The following TRIM67 variants were observed in gnomAD, a reference collection of about 807,000 sequenced individuals.
The protein encoded by TRIM67 is tripartite motif-containing protein 67.
TRIM67 carries 39 observed loss-of-function variants against 71.0 expected under a neutral mutation model. The ratio of observed to expected loss-of-function variants is 0.55; its 90% CI spans 0.43 to 0.72. The LOEUF (loss-of-function observed/expected upper bound fraction) is 0.72. TRIM67 is among the 30% of genes least tolerant of loss of function. The probability of loss-of-function intolerance (pLI) is 0.00; values close to 1 mark genes in which losing one functional copy is unlikely to be tolerated. For synonymous variants in TRIM67, 481 were observed against 473.9 expected (o/e 1.01, Z -0.19); for missense variants, 973 against 1,079.2 (o/e 0.90, Z 1.38).
At chr1:231,185,013 G>T (rs752305181) in intron 1 of TRIM67, 2 of 1,532,916 alleles carry the variant, frequency 1.3e-6, no homozygotes, top group South Asian at 2.4e-5. Context: ...GTTGGGGAGG[G>T]TCAGCTTATT....
intron 1 of TRIM67, among the ~76,000 whole-genome samples, chr1:231,181,008 C>T (rs576614632): frequency 6.6e-6 from 1 of 152,262 alleles, no homozygotes; most frequent in South Asian, 2.1e-4. Context: ...GCTCTGTCGC[C>T]AGGCTAGAGT....
In TRIM67 at chr1:231,221,232, CCTTT is replaced by C. The variant is rs1377126705; in HGVS notation, c.*5797_*5800del. 1 of 152,402 alleles carries C rather than the reference CCTTT, an allele frequency of 6.6e-6. No homozygotes were observed. The highest frequency in any genetic ancestry group is 1.9e-4 in the East Asian group (1 of 5,194). The allele number at this position is 152,402 out of a possible 1,614,324, so 9.4% of individuals were successfully genotyped here. On this transcript the variant is annotated 3_prime_UTR_variant, in exon 10 of 10. Coordinates refer to ENST00000366653, the MANE Select transcript of TRIM67 (RefSeq NM_001004342.5). ...CGTCGACAGAAGTCCAATTTTCTTG[CCTTT>C]CTTTATCCCCATTTCTCCTCCCTCC... is the stretch of plus-strand genomic sequence containing the variant.
At chr1:231,164,341 G>A (rs1485076243) in intron 1 of TRIM67, among the ~76,000 whole-genome samples, 1 of 152,162 alleles carries the variant, frequency 6.6e-6, no homozygotes, top group African/African-American at 2.4e-5. Context: ...TGACTAATAA[G>A]TTACCTTGAT....
At chr1:231,198,646 A>C (rs1327020616) in intron 2 of TRIM67, among the ~76,000 whole-genome samples, 1 of 152,164 alleles carries the variant, frequency 6.6e-6, no homozygotes, top group Non-Finnish European at 1.5e-5. Context: ...TTGGCCTCCC[A>C]AAGTGCTGGG....
intron 1 of TRIM67, among the ~76,000 whole-genome samples, chr1:231,171,528 T>G: frequency 6.6e-6 from 1 of 152,116 alleles, no homozygotes; most frequent in African/African-American, 2.4e-5. Flanking sequence ...CAGGTAGTGG[T>G]GGAGGTTATG....
intron 9 of TRIM67, among the ~76,000 whole-genome samples, chr1:231,214,718 C>T (rs1447585317): frequency 6.7e-6 from 1 of 149,530 alleles, no homozygotes; most frequent in Non-Finnish European, 1.5e-5. Context: ...GGCGGAGCTT[C>T]CAGTGAGCCG....
rs1288103041 is a variant in TRIM67 at position 231,219,015 on chromosome 1, G to A, written c.*3575G>A. 51 of 985,382 alleles carry A rather than the reference G, an allele frequency of 5.2e-5. No homozygotes were observed. The highest frequency in any genetic ancestry group is 1.8e-4 in the Admixed American group (3 of 16,268). 61.0% of individuals were successfully genotyped at this position (985,382 alleles called of 1,614,324 possible). On this transcript the variant is annotated 3_prime_UTR_variant, in exon 10 of 10. Transcript: ENST00000366653. Reference sequence around the variant, plus strand: ...GCGAAAGGCTTGGTCCCCCTGGGAAGGCGGGTTTCGGCACCGGTGGGCAGG... The same window carrying A: ...GCGAAAGGCTTGGTCCCCCTGGGAAAGCGGGTTTCGGCACCGGTGGGCAGG...
At chr1:231,168,135 T>A (rs1239116343) in intron 1 of TRIM67, among the ~76,000 whole-genome samples, 1 of 152,046 alleles carries the variant, frequency 6.6e-6, no homozygotes, top group African/African-American at 2.4e-5. Context: ...TGGCTAATTT[T>A]AAAATTTTTT....
intron 1 of TRIM67, among the ~76,000 whole-genome samples, chr1:231,178,347 A>C (rs1682809574): frequency 6.6e-6 from 1 of 152,176 alleles, no homozygotes; most frequent in African/African-American, 2.4e-5. Flanking sequence ...ACAATCCTAA[A>C]ACTCCTCCTT....
intron 5 of TRIM67, among the ~76,000 whole-genome samples, chr1:231,202,985 G>A (rs1016287370): frequency 2.0e-5 from 3 of 152,096 alleles, no homozygotes; most frequent in South Asian, 2.1e-4. Context: ...GAGAGGAAGC[G>A]GGAGAGCAGA....
intron 1 of TRIM67, among the ~76,000 whole-genome samples, chr1:231,168,067 T>C (rs1682524965): frequency 6.6e-6 from 1 of 151,972 alleles, no homozygotes; most frequent in Non-Finnish European, 1.5e-5. Context: ...GCTCAAACGA[T>C]CCTCCCACCT....
In TRIM67 at chr1:231,163,238, G is replaced by T; in HGVS notation, c.269G>T (p.Gly90Val). ...AGGSAAGGLG[G>V]GAGGGGDHAD... ...GGGAGTGCAGCTGGCGGCCTCGGCG[G>T]CGGTGCGGGAGGTGGCGGAGACCAC... is the stretch of plus-strand genomic sequence containing the variant. The change falls in exon 1 of 10, where the codon GGC (glycine) becomes GTC (valine). Residue 90 changes from glycine (G) to valine (V), a missense_variant. This residue lies in a region of TRIM67 where 795 missense variants were observed against 831.3 expected (regional missense o/e 0.96). Transcript: ENST00000366653. The T allele has an allele frequency of 6.7e-7, 1 of 1,501,516 alleles. No homozygotes were observed. The highest frequency in any genetic ancestry group is 8.9e-7 in the Non-Finnish European group (1 of 1,125,220). The allele number at this position is 1,501,516 out of a possible 1,614,324, so 93.0% of individuals were successfully genotyped here. A position where few individuals can be genotyped will look rare whatever the true frequency, so the allele number is the denominator to read the frequency against.
Position 231,163,116 on chromosome 1 carries a change from C to T in TRIM67, c.147C>T (p.Leu49=). 1 of 1,560,080 alleles carries T rather than the reference C, an allele frequency of 6.4e-7. No homozygotes were observed. The highest frequency in any genetic ancestry group is 8.7e-7 in the Non-Finnish European group (1 of 1,154,120). Residue 49 remains leucine (L), a synonymous_variant, in exon 1 of 10, where the codon CTC becomes CTT. Transcript: ENST00000366653. ...GTGAGCAGCACCTGCCCCAGCCGCT[C>T]CTGCTTTCCCGGGGATCGGGGCTGC... ...PDGEQHLPQP[L]LLSRGSGLQA...
At chr1:231,186,134 G>A (rs777361794) in intron 1 of TRIM67, 2 of 1,532,688 alleles carry the variant, frequency 1.3e-6, no homozygotes, top group African/African-American at 1.4e-5. Flanking sequence ...GTGAATGGAT[G>A]AAGGGCTTGA....
In TRIM67 at chr1:231,216,002, T is replaced by C. The variant is rs1328298516; in HGVS notation, c.*562T>C. On this transcript the variant is annotated 3_prime_UTR_variant, in exon 10 of 10. Coordinates refer to ENST00000366653, the MANE Select transcript of TRIM67 (RefSeq NM_001004342.5). ...TGCCACTTGCAGACCCAATGCAGGA[T>C]TGATAGAAAGGGACATTAATCATTC... The C allele has an allele frequency of 3.0e-6, 3 of 985,734 alleles. No homozygotes were observed. The highest frequency in any genetic ancestry group is 1.1e-4 in the East Asian group (1 of 8,808). The allele number at this position is 985,734 out of a possible 1,614,324, so 61.1% of individuals were successfully genotyped here.
In TRIM67 at chr1:231,185,146, G is replaced by C. The variant is rs1175240666; in HGVS notation, c.1045-12225G>C. The C allele has an allele frequency of 6.5e-6, 10 of 1,532,784 alleles. No individual in the cohort carries two copies. In the East Asian group the frequency reaches 9.8e-5, roughly 15 times the overall value. The allele number at this position is 1,532,784 out of a possible 1,614,324, so 94.9% of individuals were successfully genotyped here. The stretch of plus-strand genomic sequence containing the variant: ...GTTGCTGGCTCAATGGGAAGTGTGT[G>C]TTGTCCAGCCAGCCAGCCTGTACTC... On this transcript the variant is annotated intron_variant, in intron 1 of 9. Coordinates refer to ENST00000366653, the MANE Select transcript of TRIM67 (RefSeq NM_001004342.5).
chr1:231,215,483 C>A lies in TRIM67; in HGVS notation c.*43C>A. ...ACTGTGCCTGTGACAGTGACATTCA[C>A]AGGCAAAACGCCCACCATTCTCACT... is the stretch of plus-strand genomic sequence containing the variant. On this transcript the variant is annotated 3_prime_UTR_variant, in exon 10 of 10. Transcript: ENST00000366653. 6.5e-7 allele frequency: 1 copy of A among 1,549,042 alleles called. No homozygotes were observed.
At chr1:231,187,537 A>G in intron 1 of TRIM67, 1 of 1,532,134 alleles carries the variant, frequency 6.5e-7, no homozygotes, top group Non-Finnish European at 8.7e-7. Flanking sequence ...AGGGGCAGAT[A>G]AAAAGGTGAG....
chr1:231,188,907 A>G (rs1327383005), intron 1 of TRIM67, among the ~76,000 whole-genome samples: 2 of 152,168 alleles, frequency 1.3e-5, no homozygotes, highest in East Asian at 3.9e-4. Context: ...GGGCAGTCAG[A>G]CCTTTGTCCT....
Sources: gnomAD v4.1 joint callset for allele counts (sites outside exome capture counted in the v4.1 genomes callset) on GRCh38, gnomAD v4.1.1 for gene constraint, gnomAD v4.1.1 regional missense constraint, MANE v1.5 for transcripts, NCBI Gene and HGNC (gene_info 2026-07-23, HGNC 2026-07-21) for gene names.